RALGAPA1: variants seen among roughly 807,000 people sequenced by gnomAD.
RALGAPA1 encodes the protein Ral GTPase activating protein catalytic subunit alpha 1, also known as ral GTPase-activating protein subunit alpha-1.
In RALGAPA1, 52 loss-of-function variants were observed where a neutral mutation model predicts 269.6. That is an observed-to-expected ratio of 0.19 (90% confidence interval 0.15 to 0.24). RALGAPA1 has a LOEUF of 0.24. Among genes scored for constraint, RALGAPA1 ranks in the 10% least tolerant of loss-of-function variants. The probability of loss-of-function intolerance (pLI) is 1.00; values close to 1 mark genes in which losing one functional copy is unlikely to be tolerated. For missense variants in RALGAPA1, 1,917 were observed against 3,013.9 expected (o/e 0.64, Z 8.52); for synonymous variants, 817 against 1,008.3 (o/e 0.81, Z 3.60).
At chr14:35,560,891 G>T (rs985534269) in intron 39 of RALGAPA1, among the ~76,000 whole-genome samples, 60 of 152,196 alleles carry the variant, frequency 3.9e-4, no homozygotes, top group Non-Finnish European at 7.6e-4. Context: ...ACAAGGATTT[G>T]CTAGACCAAA....
At chr14:35,549,006 C>A in intron 40 of RALGAPA1, 104 bp downstream of exon 40, 1 of 1,302,920 alleles carries the variant, frequency 7.7e-7, no homozygotes, top group East Asian at 2.4e-5. Flanking sequence ...ATTAAAAATT[C>A]ATATTTCAAT....
chr14:35,573,037 GAAGT>G (rs1160404654), intron 37 of RALGAPA1, among the ~76,000 whole-genome samples: 3 of 152,250 alleles, frequency 2.0e-5, no homozygotes, highest in East Asian at 1.9e-4. Flanking sequence ...TTTAAAAAAA[GAAGT>G]AAGTAACTCA....
intron 39 of RALGAPA1, among the ~76,000 whole-genome samples, chr14:35,569,888 T>C (rs1443492070): frequency 6.6e-6 from 1 of 152,210 alleles, no homozygotes; most frequent in South Asian, 2.1e-4. Context: ...GCAATGACTA[T>C]TTTGATTACT....
At chr14:35,717,308 G>T (rs566174357) in intron 16 of RALGAPA1, among the ~76,000 whole-genome samples, 1 of 151,920 alleles carries the variant, frequency 6.6e-6, no homozygotes, top group African/African-American at 2.4e-5. Flanking sequence ...AGGCTACCAC[G>T]CTGGCTAATT....
intron 41 of RALGAPA1, 105 bp from the exon 42 acceptor site, chr14:35,539,795 G>C (rs1208133309): frequency 6.7e-7 from 1 of 1,490,830 alleles, no homozygotes; most frequent in Admixed American, 2.2e-5. Flanking sequence ...CCCTTAATAA[G>C]ATCTTTCGAG....
intron 37 of RALGAPA1, among the ~76,000 whole-genome samples, chr14:35,594,721 G>GA (rs55648804): frequency 0.062 from 7,818 of 126,534 alleles, 550 homozygotes; most frequent in African/African-American, 0.18. Context: ...CAGCAATTAT[G>GA]AAAAAAAAAA....
chr14:35,807,113 T>C (rs1354406821), intron 1 of RALGAPA1, among the ~76,000 whole-genome samples: 2 of 152,232 alleles, frequency 1.3e-5, no homozygotes, highest in African/African-American at 4.8e-5. Flanking sequence ...TGGCCTTTAA[T>C]TTAGGAAATC....
chr14:35,718,675 G>T lies in RALGAPA1; in HGVS notation c.2266+3013C>A, dbSNP rs1047726092. Among the ~76,000 whole-genome samples the T allele has an allele frequency of 2.0e-5, 3 of 151,872 alleles. No homozygotes were observed. The South Asian group carries it at 6.2e-4, about 31-fold the overall frequency. On this transcript the variant is annotated intron_variant, in intron 16 of 41. Coordinates refer to ENST00000680220, the MANE Select transcript of RALGAPA1 (RefSeq NM_001346249.2). ...CACTAAAAATACAAAAATTAGCCAG[G>T]CGTGGTGGCATGTGTCTGTAGTCCC...
intron 20 of RALGAPA1, 43 bp downstream of exon 20, chr14:35,684,886 C>T: frequency 6.4e-7 from 1 of 1,565,796 alleles, no homozygotes; most frequent in Non-Finnish European, 8.7e-7. Context: ...GAACAGAAGA[C>T]AATCAACATA....
chr14:35,711,298 A>G (rs940355900), intron 16 of RALGAPA1, among the ~76,000 whole-genome samples: 3 of 151,958 alleles, frequency 2.0e-5, no homozygotes, highest in African/African-American at 7.3e-5. Context: ...TTCTTTTTTT[A>G]TATTCCACTC....
At chr14:35,555,763 A>G (rs894162731) in intron 39 of RALGAPA1, among the ~76,000 whole-genome samples, 5 of 152,188 alleles carry the variant, frequency 3.3e-5, no homozygotes, top group Admixed American at 2.0e-4. Flanking sequence ...TGGATAAACA[A>G]AGCTGCTGAT....
At chr14:35,680,970 G>A (rs1354399023) in intron 21 of RALGAPA1, among the ~76,000 whole-genome samples, 3 of 151,938 alleles carry the variant, frequency 2.0e-5, no homozygotes, top group African/African-American at 7.3e-5. Flanking sequence ...TTTTCCTCTT[G>A]AACGGTTTTT....
chr14:35,629,351 T>G (rs2139647619), intron 33 of RALGAPA1, among the ~76,000 whole-genome samples: 1 of 151,940 alleles, frequency 6.6e-6, no homozygotes, highest in East Asian at 1.9e-4. Context: ...TAGACATAAT[T>G]ACAGAGTGAT....
chr14:35,722,685 C>T (rs1393413854), intron 15 of RALGAPA1, among the ~76,000 whole-genome samples: 3 of 151,456 alleles, frequency 2.0e-5, no homozygotes, highest in East Asian at 1.9e-4. Context: ...AATCATTAGG[C>T]TACTGCCCCA....
intron 14 of RALGAPA1, among the ~76,000 whole-genome samples, chr14:35,724,397 G>A (rs2069700227): frequency 6.6e-6 from 1 of 151,894 alleles, no homozygotes; most frequent in Non-Finnish European, 1.5e-5. Context: ...TCATGTATTT[G>A]TATTTCATGT....
At chr14:35,601,110 C>T (rs1168707766) in intron 36 of RALGAPA1, among the ~76,000 whole-genome samples, 1 of 152,182 alleles carries the variant, frequency 6.6e-6, no homozygotes, top group Admixed American at 6.5e-5. Flanking sequence ...GGAGTTCTGG[C>T]TTCCTATGTG....
At chr14:35,768,151 C>A (rs1218159874) in intron 4 of RALGAPA1, among the ~76,000 whole-genome samples, 2 of 152,086 alleles carry the variant, frequency 1.3e-5, no homozygotes, top group African/African-American at 4.8e-5. Context: ...CAGCTTACTG[C>A]ACCCTTGAAT....
intron 1 of RALGAPA1, among the ~76,000 whole-genome samples, chr14:35,782,128 G>C (rs1345104454): frequency 1.3e-5 from 2 of 152,042 alleles, no homozygotes; most frequent in African/African-American, 4.8e-5. Flanking sequence ...AGCTCAACTA[G>C]GTTGCAGAAT....
intron 37 of RALGAPA1, among the ~76,000 whole-genome samples, chr14:35,574,942 A>G (rs928110774): frequency 6.6e-6 from 1 of 152,102 alleles, no homozygotes; most frequent in Non-Finnish European, 1.5e-5. Context: ...AGCCTGGCCA[A>G]CATGGTGAAA....
Sources: gnomAD v4.1 joint callset for allele counts (sites outside exome capture counted in the v4.1 genomes callset) on GRCh38, gnomAD v4.1.1 for gene constraint, MANE v1.5 for transcripts, NCBI Gene and HGNC (gene_info 2026-07-23, HGNC 2026-07-21) for gene names.